MEMO1: variants seen among roughly 807,000 people sequenced by gnomAD.
MEMO1 encodes the protein mediator of cell motility 1.
MEMO1 carries 6 observed loss-of-function variants against 45.2 expected under a neutral mutation model. That is an observed-to-expected ratio of 0.13 (90% CI 0.07 to 0.26). The LOEUF is 0.26. Among genes scored for constraint, MEMO1 ranks in the 10% least tolerant of loss-of-function variants. The pLI is 1.00. For synonymous variants in MEMO1, 78 were observed against 124.3 expected (o/e 0.63, Z 2.48); for missense variants, 184 against 370.5 (o/e 0.50, Z 4.13).
chr2:31,987,344 G>C (rs1238994799), intron 2 of MEMO1, among the ~76,000 whole-genome samples: 1 of 152,116 alleles, frequency 6.6e-6, no homozygotes. Context: ...CAAGGAGAAT[G>C]ACAAAAGACT....
rs1171008341 is a variant in MEMO1, at chr2:31,996,185, A to AGGGAGAGAGAGAGACAGAGG, written c.61+13982_61+14001dup. On this transcript the variant is annotated intron_variant, in intron 2 of 9. Coordinates refer to ENST00000404530, the MANE Select transcript of MEMO1 (RefSeq NM_001301833.4). ...AGGAAGGGAGAGAGAGGGAGAGGAG[A>AGGGAGAGAGAGAGACAGAGG]GGGAGAGAGAGAGACAGAGGGGGAG... Among the ~76,000 whole-genome samples, 225 of 151,478 alleles carry AGGGAGAGAGAGAGACAGAGG rather than the reference A, an allele frequency of 1.5e-3. 1 individual carries two copies. The highest frequency in any genetic ancestry group is 1.5e-3 in the Non-Finnish European group (102 of 67,818).
intron 6 of MEMO1, among the ~76,000 whole-genome samples, chr2:31,914,930 C>T (rs949708344): frequency 6.7e-6 from 1 of 148,414 alleles, no homozygotes; most frequent in African/African-American, 2.5e-5. Flanking sequence ...GCACTCAAGC[C>T]TGGGTGACAG....
chr2:31,966,316 C>T (rs1010893421), intron 2 of MEMO1, among the ~76,000 whole-genome samples: 4 of 152,194 alleles, frequency 2.6e-5, no homozygotes, highest in South Asian at 4.1e-4. Flanking sequence ...TCTCACTTAC[C>T]AGCCAGTGTC....
intron 2 of MEMO1, among the ~76,000 whole-genome samples, chr2:31,955,585 T>C (rs545768016): frequency 3.3e-5 from 5 of 152,274 alleles, no homozygotes; most frequent in African/African-American, 9.6e-5. Flanking sequence ...TCTAGTCTAA[T>C]TGAAAACTAT....
chr2:31,992,272 G>C (rs761253134), intron 2 of MEMO1, among the ~76,000 whole-genome samples: 35 of 152,150 alleles, frequency 2.3e-4, no homozygotes, highest in Non-Finnish European at 3.5e-4. Context: ...AGCACAGCCA[G>C]TTATTCACTT....
intron 6 of MEMO1, among the ~76,000 whole-genome samples, chr2:31,911,081 T>A (rs184506085): frequency 1.3e-5 from 2 of 151,106 alleles, no homozygotes; most frequent in African/African-American, 2.4e-5. Flanking sequence ...TAGAAAAGGA[T>A]AGTAAGTAAG....
rs529292714 is a variant in MEMO1, at chr2:31,869,967, A to G, written c.658-15T>C. 1.5e-5 allele frequency: 22 copies of G among 1,446,972 alleles called. No homozygotes were observed. The highest frequency in any genetic ancestry group is 7.9e-5 in the Admixed American group (3 of 38,140). The allele number at this position is 1,446,972 out of a possible 1,614,324, so 89.6% of individuals were successfully genotyped here. ...ATACTCATACCCTAAAAAAAAAAAA[A>G]AAGAAGAGGAAGAAAAAAATAAAAG... is the stretch of plus-strand genomic sequence containing the variant. On this transcript the variant is annotated splice_polypyrimidine_tract_variant and intron_variant, in intron 8 of 9. Coordinates refer to ENST00000404530, the MANE Select transcript of MEMO1 (RefSeq NM_001301833.4).
chr2:31,974,989 G>A (rs1235009541), intron 2 of MEMO1, among the ~76,000 whole-genome samples: 2 of 151,956 alleles, frequency 1.3e-5, no homozygotes, highest in Non-Finnish European at 2.9e-5. Flanking sequence ...TGGCCAACAT[G>A]ATGAAACCCC....
chr2:31,962,755 T>C (rs1668167461), intron 2 of MEMO1, among the ~76,000 whole-genome samples: 1 of 152,184 alleles, frequency 6.6e-6, no homozygotes, highest in Non-Finnish European at 1.5e-5. Context: ...GCAGGAAATG[T>C]ACAAAATGAG....
rs1411596796 is a variant in MEMO1 at position 31,904,331 on chromosome 2, T to C, written c.438-12197A>G. On this transcript the variant is annotated intron_variant, in intron 6 of 9. Coordinates refer to ENST00000404530, the MANE Select transcript of MEMO1 (RefSeq NM_001301833.4). The stretch of plus-strand genomic sequence containing the variant: ...ATTGTTTGTAAACAATGTGATTACA[T>C]ACAGTAAACACTTTCCTTCTGAGAG... Among the ~76,000 whole-genome samples, 8 of 152,246 alleles carry C rather than the reference T, an allele frequency of 5.3e-5. No homozygotes were observed. The East Asian group carries it at 1.5e-3, about 29-fold the overall frequency.
At chr2:31,880,063 T>C (rs1385820585) in intron 8 of MEMO1, among the ~76,000 whole-genome samples, 2 of 152,210 alleles carry the variant, frequency 1.3e-5, no homozygotes, top group Non-Finnish European at 2.9e-5. Context: ...ATGGCTTCTT[T>C]GTAAGTATGT....
intron 7 of MEMO1, among the ~76,000 whole-genome samples, chr2:31,890,474 C>A (rs953968997): frequency 1.8e-4 from 27 of 152,094 alleles, no homozygotes; most frequent in African/African-American, 6.0e-4. Context: ...GAAAGGCACT[C>A]CTTTTAAGCA....
intron 2 of MEMO1, among the ~76,000 whole-genome samples, chr2:31,993,949 C>CTTTTTTTTTTTTTTTTTTT (rs397800267): frequency 1.4e-5 from 1 of 73,556 alleles, no homozygotes; most frequent in African/African-American, 4.9e-5. Context: ...TCAATACTTT[C>CTTTTTTTTTTTTTTTTTTT]TTTTTTTTTT....
chr2:31,914,949 CCT>C (rs1469574958), intron 6 of MEMO1, among the ~76,000 whole-genome samples: 1 of 142,816 alleles, frequency 7.0e-6, no homozygotes, highest in Non-Finnish European at 1.5e-5. Flanking sequence ...AGAATGAGAC[CCT>C]GTCTCTTTTT....
chr2:32,004,683 G>T (rs775279131), intron 2 of MEMO1, among the ~76,000 whole-genome samples: 5 of 152,086 alleles, frequency 3.3e-5, no homozygotes, highest in Admixed American at 2.6e-4. Flanking sequence ...AGTACTTTGG[G>T]AGGCTGAGGG....
chr2:31,933,344 A>ATATATATATATATAT (rs1664462781), intron 3 of MEMO1, among the ~76,000 whole-genome samples: 1 of 35,420 alleles, frequency 2.8e-5, no homozygotes, highest in African/African-American at 1.2e-4. Flanking sequence ...AAAAAAAAAA[A>ATATATATATATATAT]AAAAATTTAT....
intron 3 of MEMO1, among the ~76,000 whole-genome samples, chr2:31,942,522 T>G (rs1238103458): frequency 1.3e-5 from 2 of 152,118 alleles, no homozygotes; most frequent in East Asian, 3.8e-4. Context: ...TTTTTTTCTT[T>G]TTTTGAGATA....
chr2:32,001,938 G>C (rs928851824), intron 2 of MEMO1, among the ~76,000 whole-genome samples: 5 of 151,864 alleles, frequency 3.3e-5, no homozygotes, highest in East Asian at 1.9e-4. Flanking sequence ...ACAAGGTCAG[G>C]AGATCAAGAC....
chr2:31,969,263 CTATA>C (rs150028904), intron 2 of MEMO1, among the ~76,000 whole-genome samples: 2 of 145,408 alleles, frequency 1.4e-5, no homozygotes, highest in African/African-American at 2.5e-5. Context: ...GGCTACAAAG[CTATA>C]TATATATATA....
Sources: gnomAD v4.1 joint callset for allele counts (sites outside exome capture counted in the v4.1 genomes callset) on GRCh38, gnomAD v4.1.1 for gene constraint, MANE v1.5 for transcripts, NCBI Gene and HGNC (gene_info 2026-07-23, HGNC 2026-07-21) for gene names.